The following STK31 variants were observed in gnomAD, a reference collection of about 807,000 sequenced individuals.
STK31 encodes the protein serine/threonine-protein kinase 31.
A neutral mutation model predicts 129.7 loss-of-function variants in STK31; 89 were observed. The ratio of observed to expected loss-of-function variants is 0.69; its 90% CI spans 0.58 to 0.82. The LOEUF (loss-of-function observed/expected upper bound fraction) is 0.82, where lower values mean the gene tolerates loss of function less well. Among genes scored for constraint, STK31 ranks in the 40% least tolerant of loss-of-function variants. The pLI, the probability that STK31 is intolerant of heterozygous loss-of-function variation, is 0.00. For synonymous variants in STK31, 448 were observed against 395.3 expected (o/e 1.13, Z -1.58); for missense variants, 1,187 against 1,176.4 (o/e 1.01, Z -0.13).
chr7:23,822,010 C>T (rs928266219), intron 23 of STK31, among the ~76,000 whole-genome samples: 1 of 152,054 alleles, frequency 6.6e-6, no homozygotes, highest in Non-Finnish European at 1.5e-5. Flanking sequence ...ATATCTATTT[C>T]TATACTAATA....
At position 23,767,755 on chromosome 7, in the gene STK31, C is replaced by T. The variant is rs1789921312; in HGVS notation, c.1417-1240C>T. On this transcript the variant is annotated intron_variant, in intron 11 of 23. Transcript: ENST00000355870. ...TTCTGATGTGAGGGAGAGAGAAGAG[C>T]CTATGAAAAAAGTTTTCTTTTCCCA... Among the ~76,000 whole-genome samples the T allele has an allele frequency of 3.3e-5, 5 of 152,148 alleles. No individual in the cohort carries two copies. In the South Asian group the frequency reaches 1.0e-3, roughly 32 times the overall value.
intron 8 of STK31, among the ~76,000 whole-genome samples, chr7:23,749,751 G>C (rs915029028): frequency 1.3e-5 from 2 of 152,126 alleles, no homozygotes; most frequent in African/African-American, 4.8e-5. Flanking sequence ...ACGCGGGAGT[G>C]ATGTGTTGTA....
chr7:23,831,199 A>C (rs946969096), intron 23 of STK31, among the ~76,000 whole-genome samples: 1 of 152,132 alleles, frequency 6.6e-6, no homozygotes, highest in Admixed American at 6.5e-5. Flanking sequence ...TTTTCTCTCT[A>C]GATTATCTGT....
chr7:23,735,250 A>G (rs189914297), intron 6 of STK31, among the ~76,000 whole-genome samples: 22 of 152,260 alleles, frequency 1.4e-4, no homozygotes, highest in Non-Finnish European at 5.9e-5. Flanking sequence ...TAATCAATGT[A>G]ATCTGCTGGG....
intron 6 of STK31, among the ~76,000 whole-genome samples, chr7:23,730,878 A>ATATATATTTTTTTTTTTTTT: frequency 8.4e-5 from 5 of 59,552 alleles, no homozygotes; most frequent in Non-Finnish European, 1.6e-4. Context: ...ATATATATAT[A>ATATATATTTTTTTTTTTTTT]TTTTTTTTTT....
intron 22 of STK31, among the ~76,000 whole-genome samples, chr7:23,808,917 C>T (rs909615775): frequency 3.5e-5 from 4 of 113,242 alleles, no homozygotes; most frequent in African/African-American, 1.3e-4. Flanking sequence ...CCTGTGGCTA[C>T]AGGAAGCAGG....
chr7:23,815,616 A>G (rs1793425364), intron 23 of STK31, among the ~76,000 whole-genome samples: 1 of 152,186 alleles, frequency 6.6e-6, no homozygotes. Flanking sequence ...TGCTAGGATT[A>G]CAAGGATTGT....
chr7:23,796,187 G>A (rs527465570), intron 22 of STK31, among the ~76,000 whole-genome samples: 2 of 152,260 alleles, frequency 1.3e-5, no homozygotes, highest in Admixed American at 6.5e-5. Context: ...GAATTACGGG[G>A]TGGTTCCCCC....
chr7:23,824,809 C>T (rs10239753), intron 23 of STK31, among the ~76,000 whole-genome samples: 2 of 150,794 alleles, frequency 1.3e-5, no homozygotes, highest in East Asian at 3.9e-4. Flanking sequence ...TAGCATGAAG[C>T]GTTGTTGAAT....
At chr7:23,783,258 C>T (rs1862067) in intron 16 of STK31, among the ~76,000 whole-genome samples, 35,722 of 152,076 alleles carry the variant, frequency 0.23, 4,854 homozygotes, top group East Asian at 0.39. Context: ...TGGGATTGGC[C>T]AAGACTCAGC....
chr7:23,776,319 T>C (rs1790540652), intron 15 of STK31, among the ~76,000 whole-genome samples: 1 of 152,144 alleles, frequency 6.6e-6, no homozygotes, highest in Non-Finnish European at 1.5e-5. Flanking sequence ...TGCCAGGTTT[T>C]TGTACGAGGA....
chr7:23,791,623 G>T (rs1352588295), intron 22 of STK31, among the ~76,000 whole-genome samples: 3 of 152,106 alleles, frequency 2.0e-5, no homozygotes, highest in Non-Finnish European at 4.4e-5. Context: ...TAAAATAAAA[G>T]TTGGAAGACA....
intron 10 of STK31, among the ~76,000 whole-genome samples, chr7:23,761,535 C>G (rs562940568): frequency 6.6e-6 from 1 of 151,722 alleles, no homozygotes; most frequent in Non-Finnish European, 1.5e-5. Context: ...ATTCTGCTGC[C>G]TCAGCCTCCC....
At chr7:23,826,692 C>T (rs1227660185) in intron 23 of STK31, among the ~76,000 whole-genome samples, 3 of 152,100 alleles carry the variant, frequency 2.0e-5, no homozygotes, top group South Asian at 4.1e-4. Context: ...TCTTCCTAGC[C>T]TTGATGGTCT....
At chr7:23,816,739 T>C (rs1156277544) in intron 23 of STK31, among the ~76,000 whole-genome samples, 1 of 152,172 alleles carries the variant, frequency 6.6e-6, no homozygotes, top group Non-Finnish European at 1.5e-5. Context: ...GAAGTCACAG[T>C]TTTTCATAGC....
chr7:23,759,050 C>T (rs367880659), intron 10 of STK31, among the ~76,000 whole-genome samples: 11 of 152,090 alleles, frequency 7.2e-5, no homozygotes, highest in African/African-American at 2.7e-4. Context: ...AAAGGCATTA[C>T]GTAATGGTAA....
At chr7:23,710,121 C>G (rs376429696), upstream of STK31, 3 of 1,253,702 alleles carry the variant, frequency 2.4e-6, no homozygotes, top group East Asian at 2.4e-5. Context: ...GGCTCCCGCA[C>G]GCTTCTTCCT....
chr7:23,799,268 A>G (rs1390303341), intron 22 of STK31, among the ~76,000 whole-genome samples: 2 of 152,124 alleles, frequency 1.3e-5, no homozygotes, highest in African/African-American at 4.8e-5. Flanking sequence ...GGAACCAAAA[A>G]GCCCGTATAG....
At position 23,814,146 on chromosome 7, in the gene STK31, C is replaced by CTTTTTTTTTTTTTTTTTTTTTTTT. The variant is rs71552259; in HGVS notation, c.2761-996_2761-995insTTTTTTTTTTTTTTTTTTTTTTTT. Among the ~76,000 whole-genome samples the CTTTTTTTTTTTTTTTTTTTTTTTT allele has an allele frequency of 2.0e-5, 2 of 98,916 alleles. 1 individual carries two copies. The allele number at this position is 98,916 out of a possible 152,430, so 64.9% of individuals were successfully genotyped here. ...GTTGGGAAACATCAGATCTGGCTCACTTATTTTTTTTTTTTTTTCAGTTGG... is the reference window on the plus strand; with the variant it reads ...GTTGGGAAACATCAGATCTGGCTCACTTTTTTTTTTTTTTTTTTTTTTTTTTATTTTTTTTTTTTTTTCAGTTGG... On this transcript the variant is annotated intron_variant, in intron 22 of 23. Transcript: ENST00000355870.
Sources: allele counts gnomAD v4.1 joint callset (sites outside exome capture counted in the v4.1 genomes callset), GRCh38; gene constraint gnomAD v4.1.1; transcripts MANE v1.5; gene names NCBI Gene and HGNC (gene_info 2026-07-23, HGNC 2026-07-21).